MRPL42: variants seen among roughly 807,000 people sequenced by gnomAD.
MRPL42 encodes the protein large ribosomal subunit protein mL42.
A neutral mutation model predicts 17.9 loss-of-function variants in MRPL42; 17 were observed. The observed-to-expected ratio is 0.95, with a 90% CI of 0.65 to 1.42. The LOEUF is 1.42. MRPL42 is among the 40% of genes most tolerant of loss of function. The pLI, the probability that MRPL42 is intolerant of heterozygous loss-of-function variation, is 0.00. For synonymous variants in MRPL42, 59 were observed against 54.4 expected, an observed-to-expected ratio of 1.08 and a Z score of -0.37; for missense variants, 177 against 175.2, an observed-to-expected ratio of 1.01 and a Z score of -0.06.
chr12:93,486,789 C>T (rs1289439691), intron 4 of MRPL42, among the ~76,000 whole-genome samples: 3 of 151,748 alleles, frequency 2.0e-5, no homozygotes, highest in South Asian at 4.2e-4. Flanking sequence ...TTTATTACTG[C>T]AGAAAATAAG....
At position 93,508,852 on chromosome 12, in the gene MRPL42, AT is replaced by A. The variant is rs1387526531; in HGVS notation, c.*7635del. On this transcript the variant is annotated 3_prime_UTR_variant, in exon 6 of 6. Coordinates refer to ENST00000549982, the MANE Select transcript of MRPL42 (RefSeq NM_014050.4). ...TTCCTTATCAGTTTAAACCATATAT[AT>A]TTTAACACTGTCTCTTTTTCACACA... 1 of 152,124 alleles carries A rather than the reference AT, an allele frequency of 6.6e-6. No homozygotes were observed. The highest frequency in any genetic ancestry group is 6.6e-5 in the Admixed American group (1 of 15,254). The allele number at this position is 152,124 out of a possible 1,614,324, so 9.4% of individuals were successfully genotyped here.
chr12:93,479,281 TCC>T, intron 3 of MRPL42, 105 bp from the exon 4 acceptor site: 1 of 599,438 alleles, frequency 1.7e-6, no homozygotes, highest in Non-Finnish European at 2.6e-6. Flanking sequence ...CCCACTGCAC[TCC>T]AGCCTGGGTG....
chr12:93,468,836 T>A (rs1879765095), intron 1 of MRPL42, among the ~76,000 whole-genome samples: 1 of 152,190 alleles, frequency 6.6e-6, no homozygotes, highest in Non-Finnish European at 1.5e-5. Flanking sequence ...TTGGAGGGTG[T>A]ACACAGCCAC....
intron 3 of MRPL42, 59 bp downstream of exon 3, chr12:93,477,076 A>G (rs1227022446): frequency 2.4e-6 from 3 of 1,234,078 alleles, no homozygotes; most frequent in Non-Finnish European, 3.4e-6. Flanking sequence ...AAATGATTTA[A>G]TTTTATTTCT....
Position 93,469,098 on chromosome 12 carries a change from C to T in MRPL42, c.-94-94C>T. ...TGTTTAAAAGCATTGCTTCAGTTGA[C>T]TTCTAGGCAGTGATTCTTACCTTGT... On this transcript the variant is annotated intron_variant, in intron 1 of 5. Coordinates refer to ENST00000549982, the MANE Select transcript of MRPL42 (RefSeq NM_014050.4). 3 of 508,554 alleles carry T rather than the reference C, an allele frequency of 5.9e-6. No individual in the cohort carries two copies. The South Asian group carries it at 9.7e-5, about 16-fold the overall frequency. The allele number at this position is 508,554 out of a possible 1,614,324, so 31.5% of individuals were successfully genotyped here.
At position 93,487,616 on chromosome 12, in the gene MRPL42, C is replaced by T. The variant is rs781004398; in HGVS notation, c.339C>T (p.Ser113=). The T allele has an allele frequency of 1.3e-5, 21 of 1,613,190 alleles. No homozygotes were observed. The highest frequency in any genetic ancestry group is 1.1e-4 in the South Asian group (10 of 90,966). Residue 113 remains serine, a synonymous_variant, in exon 5 of 6, where the codon AGC becomes AGT. Coordinates refer to ENST00000549982, the MANE Select transcript of MRPL42 (RefSeq NM_014050.4). ...AAGGACCTATGATAGAACAACTTAG[C>T]AAAATGTTCTTTACTACTAAGCACC... The part of the protein sequence containing the change: ...LEEGPMIEQL[S]KMFFTTKHRW...
At position 93,475,913 on chromosome 12, in the gene MRPL42, G is replaced by A. The variant is rs538255798; in HGVS notation, c.71-1041G>A. 3.0e-4 allele frequency among the ~76,000 whole-genome samples: 46 copies of A among 151,978 alleles called. 1 individual carries two copies. The highest frequency in any genetic ancestry group is 6.6e-4 in the Admixed American group (10 of 15,234). ...GGAGAATGGCGTGAACCTGGGAGGC[G>A]GAGCTTGCAGTGAGCAGAGATCGCA... On this transcript the variant is annotated intron_variant, in intron 2 of 5. Transcript: ENST00000549982.
rs1328060496 is a variant in MRPL42 at position 93,506,339 on chromosome 12, C to G, written c.*5118C>G. 7.2e-6 allele frequency: 1 copy of G among 139,718 alleles called. No individual in the cohort carries two copies. Among genetic ancestry groups the G allele is most frequent in the Non-Finnish European group, 1.5e-5 (1 of 66,696 alleles). The allele number at this position is 139,718 out of a possible 1,614,324, so 8.7% of individuals were successfully genotyped here. A position where few individuals can be genotyped will look rare whatever the true frequency, so the allele number is the denominator to read the frequency against. On this transcript the variant is annotated 3_prime_UTR_variant, in exon 6 of 6. Coordinates refer to ENST00000549982, the MANE Select transcript of MRPL42 (RefSeq NM_014050.4). ...GGAGTGTAGTGGCACATTCTCAGCT[C>G]ACTGCAACCTCCACCTCCCGGGTTC...
Position 93,502,371 on chromosome 12 carries a change from A to G in MRPL42, c.*1150A>G, listed in dbSNP as rs1039752074. 1 of 152,240 alleles carries G rather than the reference A, an allele frequency of 6.6e-6. No homozygotes were observed. The highest frequency in any genetic ancestry group is 1.5e-5 in the Non-Finnish European group (1 of 68,042). 9.4% of individuals were successfully genotyped at this position (152,240 alleles called of 1,614,324 possible). A position where few individuals can be genotyped will look rare whatever the true frequency, so the allele number is the denominator to read the frequency against. ...GAGGTGAAGAATCTTTTAATAAGGT[A>G]GAAAGTTGCTTTATTTAAATTTGTA... On this transcript the variant is annotated 3_prime_UTR_variant, in exon 6 of 6. Transcript: ENST00000549982.
At chr12:93,478,419 T>A (rs1880286441) in intron 3 of MRPL42, among the ~76,000 whole-genome samples, 1 of 151,772 alleles carries the variant, frequency 6.6e-6, no homozygotes, top group African/African-American at 2.4e-5. Flanking sequence ...TGGCTAATTT[T>A]TTTTTATTTT....
intron 1 of MRPL42, among the ~76,000 whole-genome samples, chr12:93,468,629 A>G (rs908862242): frequency 6.6e-6 from 1 of 152,246 alleles, no homozygotes; most frequent in African/African-American, 2.4e-5. Context: ...CTTTGTACAC[A>G]TATAAGATGG....
At chr12:93,485,759 T>TA (rs1162033755) in intron 4 of MRPL42, among the ~76,000 whole-genome samples, 1 of 152,204 alleles carries the variant, frequency 6.6e-6, no homozygotes, top group Non-Finnish European at 1.5e-5. Flanking sequence ...TATCACTTAA[T>TA]ATTTAAAATA....
rs559593075 is a variant in MRPL42, at chr12:93,483,659, A to G, written c.220-3838A>G. Among the ~76,000 whole-genome samples the G allele has an allele frequency of 7.2e-5, 11 of 152,340 alleles. No homozygotes were observed. The East Asian group carries it at 9.6e-4, about 13-fold the overall frequency. Reference sequence around the variant, plus strand: ...GAGTCAGTGAGTGTAAAGGCCTAGTACATTACTGTACACTGCTGTATACTT... The same window carrying G: ...GAGTCAGTGAGTGTAAAGGCCTAGTGCATTACTGTACACTGCTGTATACTT... On this transcript the variant is annotated intron_variant, in intron 4 of 5. Coordinates refer to ENST00000549982, the MANE Select transcript of MRPL42 (RefSeq NM_014050.4).
rs1953734869 is a variant in MRPL42 at position 93,512,565 on chromosome 12, C to G, written c.*11344C>G. 1 of 152,574 alleles carries G rather than the reference C, an allele frequency of 6.6e-6. No homozygotes were observed. Among genetic ancestry groups the G allele is most frequent in the African/African-American group, 2.4e-5 (1 of 41,440 alleles). 9.5% of individuals were successfully genotyped at this position (152,574 alleles called of 1,614,324 possible). ...CTGATAGCTTCAGAATTCTTTCATACAAGGCAGGAATGCAACTTGTTTTTT... is the reference window on the plus strand; with the variant it reads ...CTGATAGCTTCAGAATTCTTTCATAGAAGGCAGGAATGCAACTTGTTTTTT... On this transcript the variant is annotated 3_prime_UTR_variant, in exon 6 of 6. Transcript: ENST00000549982.
rs1201602329 is a variant in MRPL42 at position 93,479,457 on chromosome 12, A to G, written c.204A>G (p.Pro68=). 3.7e-6 allele frequency: 6 copies of G among 1,606,376 alleles called. No homozygotes were observed. Among genetic ancestry groups the G allele is most frequent in the African/African-American group, 1.3e-5 (1 of 74,666 alleles). Residue 68 remains proline (P), a synonymous_variant, in exon 4 of 6, where the codon CCA becomes CCG. Transcript: ENST00000549982. The part of the protein sequence containing the change: ...IVCYHPSVDI[P]YEHTKPIPRP... ...GCTACCACCCTTCTGTGGACATTCC[A>G]TATGAACACACAAAAGTATGTATGA...
rs12820842 is a variant in MRPL42 at position 93,508,669 on chromosome 12, A to G, written c.*7448A>G. 0.16 allele frequency: 23,608 copies of G among 152,030 alleles called. 2,237 individuals carry two copies. The highest frequency in any genetic ancestry group is 0.27 in the African/African-American group (11,083 of 41,432). The allele number at this position is 152,030 out of a possible 1,614,324, so 9.4% of individuals were successfully genotyped here. On this transcript the variant is annotated 3_prime_UTR_variant, in exon 6 of 6. Transcript: ENST00000549982. ...GTCATGTCTCCACAGGACAATGCAC[A>G]TGGTATGTTTGTCAGAACCCAGTTG...
In MRPL42 at chr12:93,514,484, T is replaced by G. The variant is rs916705864; in HGVS notation, c.*13263T>G. ...CAGGGTTTCACCATGTTGACCAGGCTGGTCTTGAACTCCCGACCTCAGGTG... is the reference window on the plus strand; with the variant it reads ...CAGGGTTTCACCATGTTGACCAGGCGGGTCTTGAACTCCCGACCTCAGGTG... On this transcript the variant is annotated 3_prime_UTR_variant, in exon 6 of 6. Coordinates refer to ENST00000549982, the MANE Select transcript of MRPL42 (RefSeq NM_014050.4). 2.0e-5 allele frequency: 3 copies of G among 151,974 alleles called. No homozygotes were observed. Among genetic ancestry groups the G allele is most frequent in the African/African-American group, 7.3e-5 (3 of 41,334 alleles). 9.4% of individuals were successfully genotyped at this position (151,974 alleles called of 1,614,324 possible).
At chr12:93,499,868 T>C (rs1029975474) in intron 5 of MRPL42, among the ~76,000 whole-genome samples, 2 of 152,132 alleles carry the variant, frequency 1.3e-5, no homozygotes, top group Non-Finnish European at 2.9e-5. Flanking sequence ...GATCACAGGG[T>C]ACATGTCTTA....
intron 1 of MRPL42, among the ~76,000 whole-genome samples, chr12:93,468,755 G>C (rs1879760941): frequency 2.0e-5 from 3 of 152,030 alleles, no homozygotes; most frequent in Admixed American, 1.3e-4. Flanking sequence ...ATGGCTCAGG[G>C]CAGACAACTA....
Sources: gnomAD v4.1 joint callset for allele counts (sites outside exome capture counted in the v4.1 genomes callset) on GRCh38, gnomAD v4.1.1 for gene constraint, MANE v1.5 for transcripts, NCBI Gene and HGNC (gene_info 2026-07-23, HGNC 2026-07-21) for gene names.